KSR2: variants seen among roughly 807,000 people sequenced by gnomAD.
KSR2 encodes the protein kinase suppressor of ras 2.
In KSR2, 25 loss-of-function variants were observed where a neutral mutation model predicts 107.8. The observed-to-expected ratio is 0.23, with a 90% confidence interval of 0.17 to 0.32. The LOEUF (loss-of-function observed/expected upper bound fraction) is 0.32. KSR2 is among the 10% of genes least tolerant of loss of function. KSR2 has a pLI of 1.00. For missense variants in KSR2, 887 were observed against 1,268.9 expected (o/e 0.70, Z 4.57); for synonymous variants, 480 against 507.0 (o/e 0.95, Z 0.71).
chr12:117,835,748 C>T (rs1303555031), intron 3 of KSR2, among the ~76,000 whole-genome samples: 8 of 151,998 alleles, frequency 5.3e-5, no homozygotes, highest in Admixed American at 3.3e-4. Flanking sequence ...AAACATCTTC[C>T]AAGGCATGGG....
intron 3 of KSR2, among the ~76,000 whole-genome samples, chr12:117,790,213 G>T (rs548070052): frequency 2.6e-5 from 4 of 152,118 alleles, no homozygotes; most frequent in African/African-American, 7.2e-5. Flanking sequence ...GCCTCAGGAG[G>T]TCCTGATGAC....
At chr12:117,512,976 G>T (rs1198362228) in intron 14 of KSR2, among the ~76,000 whole-genome samples, 5 of 152,094 alleles carry the variant, frequency 3.3e-5, no homozygotes, top group Non-Finnish European at 7.4e-5. Context: ...TCTCTTGGAG[G>T]AAAACCTCTC....
chr12:117,495,934 G>A (rs945096051), intron 14 of KSR2, among the ~76,000 whole-genome samples: 2 of 151,858 alleles, frequency 1.3e-5, no homozygotes, highest in Middle Eastern at 6.8e-3. Context: ...TGCGCCTGTA[G>A]TCCCAGCTAC....
intron 14 of KSR2, among the ~76,000 whole-genome samples, chr12:117,496,877 G>T (rs1873059251): frequency 6.7e-6 from 1 of 150,106 alleles, no homozygotes; most frequent in South Asian, 2.1e-4. Flanking sequence ...TTGAGACAGA[G>T]TCTCGCTCTG....
intron 4 of KSR2, among the ~76,000 whole-genome samples, chr12:117,736,887 C>T (rs1411226584): frequency 3.3e-5 from 5 of 151,986 alleles, no homozygotes; most frequent in East Asian, 1.9e-4. Context: ...ATTGCAATTG[C>T]GATGAGCTTA....
intron 1 of KSR2, among the ~76,000 whole-genome samples, chr12:117,953,687 T>C (rs1186847217): frequency 6.6e-6 from 1 of 152,228 alleles, no homozygotes; most frequent in Non-Finnish European, 1.5e-5. Flanking sequence ...GCTTAATGGA[T>C]ACAGAATTTC....
intron 18 of KSR2, 82 bp from the exon 19 acceptor site, chr12:117,469,877 T>C (rs1871332968): frequency 7.1e-7 from 1 of 1,414,512 alleles, no homozygotes; most frequent in African/African-American, 1.4e-5. Context: ...GTCTGCCAAT[T>C]TGTCCACTCA....
At position 117,968,640 on chromosome 12, in the gene KSR2, G is replaced by T. The variant is rs905080226; in HGVS notation, c.-385C>A. On this transcript the variant is annotated 5_prime_UTR_variant, in exon 1 of 20. Coordinates refer to ENST00000339824, the MANE Select transcript of KSR2 (RefSeq NM_173598.6). ...AGGAGAGAGAGGAGGAGGGAGAGGA[G>T]GAGGAGGGAGAGGAGGAGGAGGAGA... is the stretch of plus-strand genomic sequence containing the variant. 2 of 249,216 alleles carry T rather than the reference G, an allele frequency of 8.0e-6. No individual in the cohort carries two copies. The highest frequency in any genetic ancestry group is 1.4e-4 in the South Asian group (1 of 6,954). 15.4% of individuals were successfully genotyped at this position (249,216 alleles called of 1,614,324 possible).
At chr12:117,480,455 C>A (rs1379426397) in intron 16 of KSR2, among the ~76,000 whole-genome samples, 1 of 152,212 alleles carries the variant, frequency 6.6e-6, no homozygotes, top group East Asian at 1.9e-4. Context: ...TAATAACAGG[C>A]TTTGGGAGGC....
chr12:117,542,544 C>T (rs1876578226), intron 9 of KSR2, among the ~76,000 whole-genome samples: 1 of 152,098 alleles, frequency 6.6e-6, no homozygotes, highest in African/African-American at 2.4e-5. Context: ...CTCATGTTGC[C>T]CGTTTATAGC....
chr12:117,598,820 TTC>T (rs141512548), intron 5 of KSR2, among the ~76,000 whole-genome samples: 22,242 of 151,880 alleles, frequency 0.15, 1,799 homozygotes, highest in Non-Finnish European at 0.18. Context: ...TTTCAGGAAT[TTC>T]CCACAGGAAA....
At chr12:117,713,912 A>C (rs1565975532) in intron 4 of KSR2, among the ~76,000 whole-genome samples, 2 of 152,212 alleles carry the variant, frequency 1.3e-5, no homozygotes, top group African/African-American at 4.8e-5. Flanking sequence ...TCTAAGTCAG[A>C]GTTAAATGAG....
At chr12:117,705,505 G>C (rs1312786458) in intron 4 of KSR2, among the ~76,000 whole-genome samples, 1 of 152,188 alleles carries the variant, frequency 6.6e-6, no homozygotes, top group Non-Finnish European at 1.5e-5. Context: ...ACACCTAGCA[G>C]AGGTCTCTAA....
chr12:117,848,990 A>G (rs569114088), intron 3 of KSR2, among the ~76,000 whole-genome samples: 1 of 152,336 alleles, frequency 6.6e-6, no homozygotes, highest in East Asian at 1.9e-4. Context: ...TAGGAAACAA[A>G]GCACAGAATC....
Position 117,531,051 on chromosome 12 carries a change from G to A in KSR2, c.1730-38C>T, listed in dbSNP as rs777316984. The A allele has an allele frequency of 5.8e-6, 9 of 1,564,016 alleles. No individual in the cohort carries two copies. In the Admixed American group the frequency reaches 1.2e-4, roughly 20 times the overall value. On this transcript the variant is annotated intron_variant, in intron 11 of 19. Coordinates refer to ENST00000339824, the MANE Select transcript of KSR2 (RefSeq NM_173598.6). ...GATTGAACACTCAGAAAAAAAATGTGAAGTCCACAACCCCCGCAAAGGCCT... is the reference window on the plus strand; with the variant it reads ...GATTGAACACTCAGAAAAAAAATGTAAAGTCCACAACCCCCGCAAAGGCCT...
At chr12:117,640,213 G>A (rs1480636013) in intron 5 of KSR2, among the ~76,000 whole-genome samples, 1 of 150,894 alleles carries the variant, frequency 6.6e-6, no homozygotes, top group Admixed American at 6.7e-5. Context: ...GGAAGCAGAT[G>A]GGGGGTTCCA....
At chr12:117,747,732 C>A (rs1888464229) in intron 4 of KSR2, among the ~76,000 whole-genome samples, 1 of 152,026 alleles carries the variant, frequency 6.6e-6, no homozygotes, top group Admixed American at 6.5e-5. Flanking sequence ...CGAGGAATTG[C>A]AAATTAAAAC....
In KSR2 at chr12:117,628,630, G is replaced by A. The variant is rs557773344; in HGVS notation, c.1171+38844C>T. 6.6e-5 allele frequency among the ~76,000 whole-genome samples: 10 copies of A among 152,308 alleles called. No homozygotes were observed. In the East Asian group the frequency reaches 9.7e-4, roughly 15 times the overall value. On this transcript the variant is annotated intron_variant, in intron 5 of 19. Transcript: ENST00000339824. Reference sequence around the variant, plus strand: ...GATGTCTGTTGTCCCCTACTGGGAGGTGCCTCCCAGTTAGGCTACACGGGA... The same window carrying A: ...GATGTCTGTTGTCCCCTACTGGGAGATGCCTCCCAGTTAGGCTACACGGGA...
At chr12:117,820,209 G>A (rs958781597) in intron 3 of KSR2, among the ~76,000 whole-genome samples, 2 of 152,190 alleles carry the variant, frequency 1.3e-5, no homozygotes. Context: ...AATCAGAGGA[G>A]CGTTAAAGTC....
Sources: gnomAD v4.1 joint callset for allele counts (sites outside exome capture counted in the v4.1 genomes callset) on GRCh38, gnomAD v4.1.1 for gene constraint, MANE v1.5 for transcripts, NCBI Gene and HGNC (gene_info 2026-07-23, HGNC 2026-07-21) for gene names.